CLASP2: variants seen among roughly 807,000 people sequenced by gnomAD.
CLASP2 encodes CLIP-associating protein 2.
CLASP2 carries 47 observed loss-of-function variants against 194.4 expected under a neutral mutation model. The ratio of observed to expected loss-of-function variants is 0.24; its 90% CI spans 0.19 to 0.31. The LOEUF (loss-of-function observed/expected upper bound fraction) is 0.31. Ranked by LOEUF, CLASP2 falls within the 10% of genes least tolerant of loss-of-function variation. The pLI, the probability that CLASP2 is intolerant of heterozygous loss-of-function variation, is 1.00. For missense variants in CLASP2, 1,445 were observed against 1,823.6 expected, an observed-to-expected ratio of 0.79 and a Z score of 3.78; for synonymous variants, 619 against 633.5, an observed-to-expected ratio of 0.98 and a Z score of 0.34.
At chr3:33,562,176 T>C (rs910404114) in intron 27 of CLASP2, among the ~76,000 whole-genome samples, 1 of 152,208 alleles carries the variant, frequency 6.6e-6, no homozygotes, top group Non-Finnish European at 1.5e-5. Context: ...GCAGAAACTA[T>C]AATTAAATTT....
chr3:33,612,386 TG>T (rs1297035218), intron 12 of CLASP2, among the ~76,000 whole-genome samples: 3 of 152,180 alleles, frequency 2.0e-5, no homozygotes, highest in African/African-American at 4.8e-5. Context: ...GGGCATGTAC[TG>T]GCCACATTTT....
Position 33,608,425 on chromosome 3 carries a change from A to C in CLASP2, c.1448+142T>G, listed in dbSNP as rs72858314. On this transcript the variant is annotated intron_variant, in intron 14 of 38. Transcript: ENST00000682230. ...GGTTGTAATGAGTAAGAGGAGCACA[A>C]CACCACCACAGCTTTAAAGGAAAAC... 2.6e-3 allele frequency: 1,810 copies of C among 692,688 alleles called. 26 individuals are homozygous for C. The African/African-American group carries it at 0.029, about 11-fold the overall frequency. 42.9% of individuals were successfully genotyped at this position (692,688 alleles called of 1,614,324 possible).
At position 33,602,865 on chromosome 3, in the gene CLASP2, G is replaced by T. The variant is rs781418243; in HGVS notation, c.1924+87C>A. 12 of 1,252,208 alleles carry T rather than the reference G, an allele frequency of 9.6e-6. No individual in the cohort carries two copies. The East Asian group carries it at 2.3e-4, about 24-fold the overall frequency. 77.6% of individuals were successfully genotyped at this position (1,252,208 alleles called of 1,614,324 possible). A position where few individuals can be genotyped will look rare whatever the true frequency, so the allele number is the denominator to read the frequency against. On this transcript the variant is annotated intron_variant, in intron 18 of 38. Coordinates refer to ENST00000682230, the MANE Select transcript of CLASP2 (RefSeq NM_001365631.1). ...TGGACTATCCTTAAATAACAAGAAT[G>T]AATAGAAATGATTAAGGTATATGAA... is the stretch of plus-strand genomic sequence containing the variant.
At chr3:33,563,244 T>A (rs1031908455) in intron 27 of CLASP2, among the ~76,000 whole-genome samples, 1 of 152,234 alleles carries the variant, frequency 6.6e-6, no homozygotes, top group Non-Finnish European at 1.5e-5. Context: ...AAGTTTAGTA[T>A]GTTTGGCCGT....
At chr3:33,660,790 T>C (rs1310197927) in intron 7 of CLASP2, among the ~76,000 whole-genome samples, 1 of 152,242 alleles carries the variant, frequency 6.6e-6, no homozygotes. Context: ...TTCCACAAGA[T>C]TTCATGCCGA....
chr3:33,512,668 G>C (rs1385700751), intron 36 of CLASP2, among the ~76,000 whole-genome samples: 4 of 138,878 alleles, frequency 2.9e-5, no homozygotes, highest in African/African-American at 1.1e-4. Context: ...GCTTAGAAAG[G>C]TACAGTGGGA....
At chr3:33,650,668 A>C (rs1024219181) in intron 7 of CLASP2, among the ~76,000 whole-genome samples, 2 of 151,932 alleles carry the variant, frequency 1.3e-5, no homozygotes, top group Non-Finnish European at 2.9e-5. Flanking sequence ...ATACAGGAAG[A>C]GGAAATGGAG....
chr3:33,704,914 G>T (rs1575720149), intron 1 of CLASP2, among the ~76,000 whole-genome samples: 1 of 152,242 alleles, frequency 6.6e-6, no homozygotes, highest in East Asian at 1.9e-4. Context: ...TAAGGACGTA[G>T]AGTGATTGGA....
At chr3:33,698,896 A>T (rs2092165173) in intron 1 of CLASP2, among the ~76,000 whole-genome samples, 1 of 152,232 alleles carries the variant, frequency 6.6e-6, no homozygotes, top group African/African-American at 2.4e-5. Context: ...ATGGAACAAA[A>T]TACATAGATA....
chr3:33,540,171 C>A (rs1358402930), intron 32 of CLASP2, among the ~76,000 whole-genome samples: 1 of 150,956 alleles, frequency 6.6e-6, no homozygotes, highest in Non-Finnish European at 1.5e-5. Flanking sequence ...CTCAGGTGAT[C>A]TGCCCACCTT....
Position 33,537,864 on chromosome 3 carries a change from G to A in CLASP2, c.3558+925C>T, listed in dbSNP as rs139501844. On this transcript the variant is annotated intron_variant, in intron 33 of 38. Transcript: ENST00000682230. ...GTTCTTACAAGACTCAATGTGGGTCGGGCGCAGTGGCTCACACCTGTAATC... is the reference window on the plus strand; with the variant it reads ...GTTCTTACAAGACTCAATGTGGGTCAGGCGCAGTGGCTCACACCTGTAATC... 1.0e-3 allele frequency among the ~76,000 whole-genome samples: 156 copies of A among 152,168 alleles called. 1 individual carries two copies. Among genetic ancestry groups the A allele is most frequent in the African/African-American group, 3.3e-3 (137 of 41,522 alleles).
chr3:33,582,801 T>C (rs528544364), intron 22 of CLASP2, among the ~76,000 whole-genome samples: 12 of 150,992 alleles, frequency 7.9e-5, no homozygotes, highest in Admixed American at 2.0e-4. Context: ...AAAGGTGGAG[T>C]AGAGAATTTA....
intron 7 of CLASP2, among the ~76,000 whole-genome samples, chr3:33,646,019 C>T (rs1405786356): frequency 1.3e-5 from 2 of 151,012 alleles, no homozygotes; most frequent in South Asian, 2.1e-4. Flanking sequence ...TCTCTAGGAC[C>T]CTGCACAAAT....
chr3:33,581,038 A>C (rs1212104966), intron 23 of CLASP2, among the ~76,000 whole-genome samples: 1 of 150,556 alleles, frequency 6.6e-6, no homozygotes, highest in East Asian at 1.9e-4. Flanking sequence ...AAAAGAAAGA[A>C]AGAAAAAAAA....
chr3:33,596,730 A>G lies in CLASP2; in HGVS notation c.1929T>C (p.Asp643=). 8 of 1,565,798 alleles carry G rather than the reference A, an allele frequency of 5.1e-6. No individual in the cohort carries two copies. The highest frequency in any genetic ancestry group is 6.9e-6 in the Non-Finnish European group (8 of 1,153,438). Reference sequence around the variant, plus strand: ...TCTTACCATCCAGCTTGTCAGAAGTATCCTCTTTGATGAAAGCACAAGCAA... The same window carrying G: ...TCTTACCATCCAGCTTGTCAGAAGTGTCCTCTTTGATGAAAGCACAAGCAA... ...LNAGSYASLE[D]TSDKLDGTAS... is the part of the protein sequence containing the mutation. Residue 643 remains aspartate, a synonymous_variant, in exon 19 of 39, where the codon GAT becomes GAC. Transcript: ENST00000682230.
At position 33,689,304 on chromosome 3, in the gene CLASP2, T is replaced by A. The variant is rs112843614; in HGVS notation, c.378+525A>T. Among the ~76,000 whole-genome samples, 1,465 of 152,118 alleles carry A rather than the reference T, an allele frequency of 9.6e-3. 14 individuals are homozygous for A. Among genetic ancestry groups the A allele is most frequent in the Non-Finnish European group, 0.015 (1,014 of 67,932 alleles). ...ACAAGGGATGCCCCTTATGGTACTG[T>A]TTGTAGTCACAGAAAGCCAAAAACA... On this transcript the variant is annotated intron_variant, in intron 3 of 38. Transcript: ENST00000682230.
intron 28 of CLASP2, among the ~76,000 whole-genome samples, chr3:33,560,238 T>TC (rs2061592458): frequency 6.6e-6 from 1 of 151,898 alleles, no homozygotes; most frequent in Non-Finnish European, 1.5e-5. Context: ...CGCTGATACT[T>TC]CTTTTTTTTT....
chr3:33,596,329 G>A (rs930981381), intron 19 of CLASP2, among the ~76,000 whole-genome samples: 1 of 152,064 alleles, frequency 6.6e-6, no homozygotes, highest in Non-Finnish European at 1.5e-5. Context: ...TATGTCATTT[G>A]TCATATCACT....
At chr3:33,627,157 T>C (rs914982481) in intron 9 of CLASP2, 77 bp from the exon 10 acceptor site, 1 of 825,318 alleles carries the variant, frequency 1.2e-6, no homozygotes, top group Non-Finnish European at 2.0e-6. Context: ...ATGTTTAAAA[T>C]AATCTTTCAC....
Sources: allele counts gnomAD v4.1 joint callset (sites outside exome capture counted in the v4.1 genomes callset), GRCh38; gene constraint gnomAD v4.1.1; transcripts MANE v1.5; gene names NCBI Gene and HGNC (gene_info 2026-07-23, HGNC 2026-07-21).